The following SORCS1 variants were observed in gnomAD, a reference collection of about 807,000 sequenced individuals.
The protein encoded by SORCS1 is sortilin related VPS10 domain containing receptor 1, also known as VPS10 domain-containing receptor SorCS1.
SORCS1 carries 60 observed loss-of-function variants against 146.1 expected under a neutral mutation model. The ratio of observed to expected loss-of-function variants is 0.41; its 90% CI spans 0.33 to 0.51. The LOEUF is 0.51. SORCS1 is among the 20% of genes least tolerant of loss of function. The pLI is 0.21. For missense variants in SORCS1, 1,352 were observed against 1,487.6 expected (o/e 0.91, Z 1.50); for synonymous variants, 637 against 584.0 (o/e 1.09, Z -1.31).
chr10:107,091,284 T>A (rs1964163674), intron 1 of SORCS1, among the ~76,000 whole-genome samples: 1 of 152,190 alleles, frequency 6.6e-6, no homozygotes, highest in Non-Finnish European at 1.5e-5. Context: ...TGCTTATGGG[T>A]TCCCCAGCAT....
intron 2 of SORCS1, among the ~76,000 whole-genome samples, chr10:106,955,574 C>G (rs1954898625): frequency 6.6e-6 from 1 of 152,240 alleles, no homozygotes. Context: ...TTTCCATACT[C>G]TATATGTGTG....
At chr10:106,805,418 G>A (rs911968237) in intron 3 of SORCS1, among the ~76,000 whole-genome samples, 2 of 152,120 alleles carry the variant, frequency 1.3e-5, no homozygotes, top group Non-Finnish European at 2.9e-5. Context: ...GTTTTACAAA[G>A]TAAAGGTCAA....
At chr10:106,990,280 T>C (rs1436300010) in intron 1 of SORCS1, among the ~76,000 whole-genome samples, 3 of 152,108 alleles carry the variant, frequency 2.0e-5, no homozygotes, top group Admixed American at 2.0e-4. Flanking sequence ...TTTCAAATTT[T>C]TCTTTTTTTG....
intron 16 of SORCS1, among the ~76,000 whole-genome samples, chr10:106,669,633 G>C (rs1024665577): frequency 1.3e-5 from 2 of 152,206 alleles, no homozygotes; most frequent in African/African-American, 4.8e-5. Flanking sequence ...TTTTGTCATT[G>C]TAATAATATT....
chr10:106,611,862 G>T, intron 22 of SORCS1, 49 bp downstream of exon 22: 1 of 1,374,966 alleles, frequency 7.3e-7, no homozygotes, highest in Non-Finnish European at 1.0e-6. Flanking sequence ...ATTCTTCAAG[G>T]ACAGAGAGAA....
chr10:107,088,073 C>T (rs1178541572), intron 1 of SORCS1, among the ~76,000 whole-genome samples: 1 of 151,634 alleles, frequency 6.6e-6, no homozygotes, highest in Non-Finnish European at 1.5e-5. Flanking sequence ...CACCCACCAC[C>T]ACGCCTGGCT....
intron 8 of SORCS1, among the ~76,000 whole-genome samples, chr10:106,701,003 C>T (rs1269411955): frequency 1.3e-5 from 2 of 152,082 alleles, no homozygotes; most frequent in Non-Finnish European, 2.9e-5. Context: ...CCACAATTGC[C>T]CTCAGATACC....
chr10:106,805,606 C>A (rs188535857), intron 3 of SORCS1, among the ~76,000 whole-genome samples: 22 of 152,294 alleles, frequency 1.4e-4, no homozygotes, highest in Admixed American at 8.5e-4. Context: ...TTGCCCAAGG[C>A]CACCCTGCCT....
chr10:106,734,286 A>C (rs530864856), intron 5 of SORCS1, among the ~76,000 whole-genome samples: 7 of 152,164 alleles, frequency 4.6e-5, no homozygotes, highest in African/African-American at 1.4e-4. Context: ...ATCTCCTCTC[A>C]TCCTTCTTCT....
intron 1 of SORCS1, among the ~76,000 whole-genome samples, chr10:107,010,654 G>A (rs1261595309): frequency 6.6e-6 from 1 of 150,792 alleles, no homozygotes; most frequent in Non-Finnish European, 1.5e-5. Context: ...AAGTTAATAG[G>A]AGCTGATTGA....
intron 24 of SORCS1, among the ~76,000 whole-genome samples, chr10:106,593,805 T>C (rs1417825447): frequency 6.6e-6 from 1 of 152,228 alleles, no homozygotes; most frequent in African/African-American, 2.4e-5. Flanking sequence ...GGTGACTTTG[T>C]GTTACACATA....
At chr10:107,032,813 C>T (rs1958723146) in intron 1 of SORCS1, among the ~76,000 whole-genome samples, 1 of 152,180 alleles carries the variant, frequency 6.6e-6, no homozygotes. Flanking sequence ...ACCCTCTCTT[C>T]ACTCTGCGCA....
chr10:107,142,813 T>C (rs34246745), intron 1 of SORCS1, among the ~76,000 whole-genome samples: 13,188 of 152,216 alleles, frequency 0.087, 652 homozygotes, highest in African/African-American at 0.15. Flanking sequence ...CATTCTCATT[T>C]TGAAATGAAG....
intron 2 of SORCS1, among the ~76,000 whole-genome samples, chr10:106,927,374 G>A (rs930854585): frequency 1.3e-5 from 2 of 152,060 alleles, no homozygotes; most frequent in African/African-American, 4.8e-5. Context: ...CCTTCCTCCC[G>A]GTGGGTTCGT....
chr10:106,616,670 C>A (rs1377142221), intron 21 of SORCS1, among the ~76,000 whole-genome samples: 7 of 152,150 alleles, frequency 4.6e-5, no homozygotes, highest in African/African-American at 1.7e-4. Context: ...CTGATCAAGC[C>A]TTTCAGGAGG....
intron 6 of SORCS1, among the ~76,000 whole-genome samples, chr10:106,728,793 G>T (rs1034795849): frequency 2.0e-5 from 3 of 152,166 alleles, no homozygotes; most frequent in Admixed American, 6.5e-5. Context: ...GGATATTTTA[G>T]AAACTGGGAA....
intron 1 of SORCS1, among the ~76,000 whole-genome samples, chr10:107,014,900 C>T (rs749455528): frequency 1.4e-4 from 21 of 152,140 alleles, no homozygotes; most frequent in Non-Finnish European, 3.1e-4. Flanking sequence ...ATATGAATTC[C>T]TAAAGGAAGG....
chr10:107,163,844 G>C (rs1479544344), intron 1 of SORCS1, 125 bp downstream of exon 1: 8 of 1,094,556 alleles, frequency 7.3e-6, no homozygotes, highest in African/African-American at 1.6e-5. Flanking sequence ...AGTGGGCAGA[G>C]ACCAGTTTGC....
At chr10:107,054,902 C>T (rs1241700359) in intron 1 of SORCS1, among the ~76,000 whole-genome samples, 1 of 152,150 alleles carries the variant, frequency 6.6e-6, no homozygotes, top group Admixed American at 6.5e-5. Context: ...AAAGTGGTAT[C>T]ACATTTGTTG....
Sources: gnomAD v4.1 joint callset for allele counts (sites outside exome capture counted in the v4.1 genomes callset) on GRCh38, gnomAD v4.1.1 for gene constraint, MANE v1.5 for transcripts, NCBI Gene and HGNC (gene_info 2026-07-23, HGNC 2026-07-21) for gene names.